Variants in RGS6 observed in about 807,000 individuals in gnomAD.
RGS6 encodes regulator of G-protein signaling 6.
RGS6 carries 30 observed loss-of-function variants against 78.5 expected under a neutral mutation model. That is an observed-to-expected ratio of 0.38 (90% CI 0.29 to 0.52). RGS6 has a LOEUF of 0.52. Among genes scored for constraint, RGS6 ranks in the 20% least tolerant of loss-of-function variants. The pLI is 0.85. For missense variants in RGS6, 495 were observed against 609.7 expected (o/e 0.81, Z 1.98); for synonymous variants, 206 against 206.0 (o/e 1.00, Z 0.00).
chr14:72,604,121 C>T, the RGS6 span, among the ~76,000 whole-genome samples: 1 of 152,080 alleles, frequency 6.6e-6, no homozygotes, highest in African/African-American at 2.4e-5. Flanking sequence ...AGACTCTGAG[C>T]CCCCAACATT....
chr14:72,441,269 G>A (rs1408763075), intron 3 of RGS6, among the ~76,000 whole-genome samples: 1 of 152,168 alleles, frequency 6.6e-6, no homozygotes, highest in African/African-American at 2.4e-5. Context: ...TCCCTTCAGT[G>A]TCCCTTCCTC....
chr14:71,975,389 T>G (rs933229265), intron 2 of RGS6, among the ~76,000 whole-genome samples: 5 of 152,178 alleles, frequency 3.3e-5, no homozygotes, highest in African/African-American at 1.2e-4. Flanking sequence ...AGTTTTATTA[T>G]AAGGTGTGAT....
At chr14:72,605,117 A>G in the RGS6 span, among the ~76,000 whole-genome samples, 10 of 152,288 alleles carry the variant, frequency 6.6e-5, no homozygotes, top group South Asian at 1.9e-3. Flanking sequence ...CTTTCTTTCA[A>G]AGCTGAGTTG....
intron 3 of RGS6, among the ~76,000 whole-genome samples, chr14:72,373,427 G>A (rs1372789191): frequency 6.6e-6 from 1 of 152,076 alleles, no homozygotes; most frequent in East Asian, 1.9e-4. Context: ...AGAAAGTAAG[G>A]GAAATTTTTA....
chr14:72,558,820 G>A (rs1048759133), intron 17 of RGS6, among the ~76,000 whole-genome samples: 2 of 152,176 alleles, frequency 1.3e-5, no homozygotes, highest in Non-Finnish European at 2.9e-5. Context: ...CAAAGCTTTG[G>A]TGTCTCTGGA....
chr14:72,274,200 G>C lies in RGS6; in HGVS notation c.85-77895G>C, dbSNP rs1435283997. 3.3e-5 allele frequency among the ~76,000 whole-genome samples: 5 copies of C among 152,324 alleles called. No individual in the cohort carries two copies. The East Asian group carries it at 9.6e-4, about 29-fold the overall frequency. On this transcript the variant is annotated intron_variant, in intron 2 of 17. Transcript: ENST00000553525. ...TGACCAGGACCACGTACTAGGATAG[G>C]AGAGGTTCTGGCACTATTCATCATT...
intron 3 of RGS6, among the ~76,000 whole-genome samples, chr14:72,445,377 A>G (rs936466220): frequency 1.5e-4 from 23 of 152,162 alleles, no homozygotes; most frequent in African/African-American, 5.3e-4. Flanking sequence ...TTTAGTAAAG[A>G]CAGGGTTTCA....
intron 2 of RGS6, among the ~76,000 whole-genome samples, chr14:72,173,302 T>G (rs533101687): frequency 2.6e-4 from 39 of 152,170 alleles, no homozygotes; most frequent in South Asian, 1.0e-3. Context: ...ATGTCAGTAG[T>G]GCCAAAGTGG....
At position 72,463,510 on chromosome 14, in the gene RGS6, C is replaced by T. The variant is rs140800467; in HGVS notation, c.395-2248C>T. ...TCATGGCCATCAGGAGTGGCCCCAG[C>T]TCTGCATTCCATGCATGATAACTCA... On this transcript the variant is annotated intron_variant, in intron 6 of 17. Coordinates refer to ENST00000553525, the MANE Select transcript of RGS6 (RefSeq NM_001204424.2). Among the ~76,000 whole-genome samples, 722 of 152,368 alleles carry T rather than the reference C, an allele frequency of 4.7e-3. 25 individuals are homozygous for T. Among genetic ancestry groups the T allele is most frequent in the Admixed American group, 0.041 (634 of 15,306 alleles).
At chr14:72,141,630 A>G (rs938168131) in intron 2 of RGS6, among the ~76,000 whole-genome samples, 1 of 152,154 alleles carries the variant, frequency 6.6e-6, no homozygotes, top group Non-Finnish European at 1.5e-5. Flanking sequence ...ACACAAGGCC[A>G]TCCAGACTCC....
intron 2 of RGS6, among the ~76,000 whole-genome samples, chr14:72,208,695 G>T (rs376983545): frequency 6.6e-6 from 1 of 152,130 alleles, no homozygotes; most frequent in African/African-American, 2.4e-5. Context: ...AGCATAACTT[G>T]TTCAATGCTA....
At chr14:71,976,994 G>T in intron 2 of RGS6, among the ~76,000 whole-genome samples, 1 of 124,234 alleles carries the variant, frequency 8.0e-6, no homozygotes, top group Non-Finnish European at 1.8e-5. Context: ...GTTTTGATTT[G>T]CATTTCTCTG....
At chr14:72,606,214 A>G in the RGS6 span, among the ~76,000 whole-genome samples, 1 of 152,076 alleles carries the variant, frequency 6.6e-6, no homozygotes. Context: ...AAGGCCCCTG[A>G]CTCAGGCCAA....
At chr14:72,314,422 T>C (rs767654305) in intron 2 of RGS6, among the ~76,000 whole-genome samples, 1 of 152,218 alleles carries the variant, frequency 6.6e-6, no homozygotes, top group African/African-American at 2.4e-5. Flanking sequence ...AGTTACACTT[T>C]CTCAGGCATC....
At chr14:72,278,891 T>C (rs955180392) in intron 2 of RGS6, among the ~76,000 whole-genome samples, 1 of 152,096 alleles carries the variant, frequency 6.6e-6, no homozygotes, top group Non-Finnish European at 1.5e-5. Flanking sequence ...CGGTTTCTGG[T>C]GATTCCCCAC....
At chr14:72,054,589 T>G (rs2093516861) in intron 2 of RGS6, among the ~76,000 whole-genome samples, 1 of 152,216 alleles carries the variant, frequency 6.6e-6, no homozygotes, top group African/African-American at 2.4e-5. Context: ...AACCACCAAC[T>G]GTCCACGCAT....
the RGS6 span, among the ~76,000 whole-genome samples, chr14:72,573,608 A>G: frequency 1.3e-5 from 2 of 152,216 alleles, no homozygotes; most frequent in African/African-American, 4.8e-5. Context: ...TGAAGTCCAG[A>G]ATAGATAAAT....
intron 17 of RGS6, chr14:72,550,481 C>G: frequency 2.6e-6 from 4 of 1,535,664 alleles, no homozygotes; most frequent in Non-Finnish European, 3.5e-6. Flanking sequence ...AAGCAAGGAC[C>G]GAAAGCCTGG....
At chr14:72,216,489 C>T (rs1052227594) in intron 2 of RGS6, among the ~76,000 whole-genome samples, 1 of 152,148 alleles carries the variant, frequency 6.6e-6, no homozygotes, top group African/African-American at 2.4e-5. Context: ...AGAGGAATCC[C>T]TACCATGTAG....
Sources: gnomAD v4.1 joint callset for allele counts (sites outside exome capture counted in the v4.1 genomes callset) on GRCh38, gnomAD v4.1.1 for gene constraint, MANE v1.5 for transcripts, NCBI Gene and HGNC (gene_info 2026-07-23, HGNC 2026-07-21) for gene names.